TRPM3: variants seen among roughly 807,000 people sequenced by gnomAD.
TRPM3 encodes the protein long transient receptor potential channel 3.
A neutral mutation model predicts 181.2 loss-of-function variants in TRPM3; 77 were observed. The observed-to-expected ratio is 0.42, with a 90% CI of 0.35 to 0.51. TRPM3 has a LOEUF of 0.51. TRPM3 is among the 20% of genes least tolerant of loss of function. The pLI is 0.01. For missense variants in TRPM3, 1,759 were observed against 2,196.7 expected (o/e 0.80, Z 3.98); for synonymous variants, 745 against 796.4 (o/e 0.94, Z 1.09).
intron 1 of TRPM3, among the ~76,000 whole-genome samples, chr9:71,264,020 G>C (rs1167612331): frequency 1.3e-5 from 2 of 152,164 alleles, no homozygotes; most frequent in Non-Finnish European, 2.9e-5. Flanking sequence ...CTGGGCTCAA[G>C]TGATTCTCCT....
chr9:71,174,974 C>T (rs1222976930), intron 1 of TRPM3, among the ~76,000 whole-genome samples: 3 of 152,130 alleles, frequency 2.0e-5, no homozygotes, highest in African/African-American at 7.2e-5. Context: ...GAATGAGAGA[C>T]TGAGGGCCTT....
intron 20 of TRPM3, among the ~76,000 whole-genome samples, chr9:70,599,162 C>G (rs1001448358): frequency 6.6e-6 from 1 of 152,196 alleles, no homozygotes; most frequent in Non-Finnish European, 1.5e-5. Flanking sequence ...TAAGCTCCAT[C>G]ACATCTTACA....
chr9:71,011,303 GT>G (rs2097736510), intron 1 of TRPM3, among the ~76,000 whole-genome samples: 1 of 152,038 alleles, frequency 6.6e-6, no homozygotes, highest in South Asian at 2.1e-4. Context: ...ATTTTTGAGT[GT>G]TATTACTACA....
intron 1 of TRPM3, among the ~76,000 whole-genome samples, chr9:71,205,463 G>A (rs73647968): frequency 0.039 from 5,907 of 152,160 alleles, 395 homozygotes; most frequent in African/African-American, 0.14. Flanking sequence ...GGTAGAGAGT[G>A]CGTAAGAAGG....
At position 71,287,035 on chromosome 9, in the gene TRPM3, CAT is replaced by C. The variant is rs1232935125; in HGVS notation, c.183+159616_183+159617del. Among the ~76,000 whole-genome samples the C allele has an allele frequency of 1.3e-4, 17 of 130,714 alleles. No individual in the cohort carries two copies. The South Asian group carries it at 2.3e-3, about 18-fold the overall frequency. 85.8% of individuals were successfully genotyped at this position (130,714 alleles called of 152,430 possible). On this transcript the variant is annotated intron_variant, in intron 1 of 24. Coordinates refer to the TRPM3 transcript ENST00000357533. ...ATATAATATAGTATATAATATATAA[CAT>C]ATTGTATTATATACTATATTATATA...
chr9:70,945,509 T>C (rs550219628), intron 1 of TRPM3, among the ~76,000 whole-genome samples: 1 of 152,314 alleles, frequency 6.6e-6, no homozygotes, highest in South Asian at 2.1e-4. Flanking sequence ...AATGTAATCA[T>C]GTTCATGTAA....
chr9:70,808,280 C>CA (rs1016186092), intron 6 of TRPM3, among the ~76,000 whole-genome samples: 20 of 152,142 alleles, frequency 1.3e-4, no homozygotes, highest in African/African-American at 4.8e-4. Flanking sequence ...AAAGGGAGCT[C>CA]AAAATTCTTC....
rs141499819 is a variant in TRPM3 at position 70,738,983 on chromosome 9, TA to T, written c.1272+22617del. Among the ~76,000 whole-genome samples, 389 of 149,422 alleles carry T rather than the reference TA, an allele frequency of 2.6e-3. 1 individual carries two copies. The highest frequency in any genetic ancestry group is 8.7e-3 in the African/African-American group (356 of 40,854). ...ACAAGCAGCAAGATTGAAATGGTAA[TA>T]AAAAAAAAATTGCCAACCAAGAAAA... On this transcript the variant is annotated intron_variant, in intron 8 of 25. Transcript: ENST00000677713.
intron 9 of TRPM3, among the ~76,000 whole-genome samples, chr9:70,676,723 A>G (rs2064106622): frequency 6.6e-6 from 1 of 152,146 alleles, no homozygotes; most frequent in South Asian, 2.1e-4. Flanking sequence ...CAGAAAAATG[A>G]TTGATAGGCC....
At chr9:71,420,539 A>C (rs1476492347) in intron 1 of TRPM3, among the ~76,000 whole-genome samples, 1 of 151,384 alleles carries the variant, frequency 6.6e-6, no homozygotes. Context: ...GAAAGAAAGA[A>C]AGAAAAAGAG....
At chr9:71,445,901 G>A (rs996816832) in intron 1 of TRPM3, among the ~76,000 whole-genome samples, 3 of 152,184 alleles carry the variant, frequency 2.0e-5, no homozygotes, top group Admixed American at 6.5e-5. Context: ...CTAGAACAGC[G>A]TTCTCTCCCT....
Position 70,852,154 on chromosome 9 carries a change from A to G in TRPM3, c.463-5563T>C, listed in dbSNP as rs1304317546. Among the ~76,000 whole-genome samples the G allele has an allele frequency of 1.2e-3, 171 of 137,098 alleles. 2 individuals carry two copies. Among genetic ancestry groups the G allele is most frequent in the Non-Finnish European group, 2.1e-3 (129 of 62,078 alleles). 89.9% of individuals were successfully genotyped at this position (137,098 alleles called of 152,430 possible). A position where few individuals can be genotyped will look rare whatever the true frequency, so the allele number is the denominator to read the frequency against. Reference sequence around the variant, plus strand: ...AAAAAAAAAAAAAAAAAAAAAAAAAAAGAGAGAAAAAAAATCCCAAAAAAC... The same window carrying G: ...AAAAAAAAAAAAAAAAAAAAAAAAAGAGAGAGAAAAAAAATCCCAAAAAAC... On this transcript the variant is annotated intron_variant, in intron 3 of 25. Transcript: ENST00000677713.
chr9:70,611,344 G>A (rs545284238), intron 18 of TRPM3, among the ~76,000 whole-genome samples: 1 of 150,752 alleles, frequency 6.6e-6, no homozygotes, highest in African/African-American at 2.4e-5. Context: ...GGGACCTGGT[G>A]AGAGGTGATT....
chr9:71,176,841 C>T (rs974592353), intron 1 of TRPM3, among the ~76,000 whole-genome samples: 3 of 152,074 alleles, frequency 2.0e-5, no homozygotes, highest in African/African-American at 7.2e-5. Flanking sequence ...GTTACAGTTG[C>T]CTACAGTACC....
Position 71,135,987 on chromosome 9 carries a change from C to G in TRPM3, c.184-271476G>C, listed in dbSNP as rs550072485. 3.9e-5 allele frequency among the ~76,000 whole-genome samples: 6 copies of G among 152,236 alleles called. No homozygotes were observed. In the South Asian group the frequency reaches 1.2e-3, roughly 32 times the overall value. ...GAGTTTAGTAAATGTATAAAGACAC[C>G]ATTTAAGTGTGATTTAATTAACATC... On this transcript the variant is annotated intron_variant, in intron 1 of 24. Coordinates refer to the TRPM3 transcript ENST00000357533.
chr9:70,937,833 C>A (rs1323925621), intron 1 of TRPM3, among the ~76,000 whole-genome samples: 1 of 144,448 alleles, frequency 6.9e-6, no homozygotes, highest in East Asian at 2.1e-4. Context: ...CAGAAGTCAA[C>A]TGAGACCCTG....
At chr9:70,890,975 A>G (rs982637929) in intron 1 of TRPM3, among the ~76,000 whole-genome samples, 1 of 151,900 alleles carries the variant, frequency 6.6e-6, no homozygotes, top group African/African-American at 2.4e-5. Flanking sequence ...AGAATTGTTC[A>G]GCAATGGGAC....
At chr9:71,194,826 A>C (rs1033043326) in intron 1 of TRPM3, among the ~76,000 whole-genome samples, 3 of 151,988 alleles carry the variant, frequency 2.0e-5, no homozygotes, top group Non-Finnish European at 4.4e-5. Flanking sequence ...GAAAACCTTT[A>C]ATTTCAGTTA....
intron 1 of TRPM3, among the ~76,000 whole-genome samples, chr9:70,916,628 G>A (rs899982865): frequency 1.8e-4 from 27 of 152,100 alleles, no homozygotes; most frequent in African/African-American, 6.3e-4. Flanking sequence ...CCATTCATGT[G>A]TATGAATAAA....
Sources: allele counts gnomAD v4.1 joint callset (sites outside exome capture counted in the v4.1 genomes callset), GRCh38; gene constraint gnomAD v4.1.1; transcripts MANE v1.5; gene names NCBI Gene and HGNC (gene_info 2026-07-23, HGNC 2026-07-21).